The following MCTP1 variants were observed in gnomAD, a reference collection of about 807,000 sequenced individuals.
The protein encoded by MCTP1 is multiple C2 and transmembrane domain-containing protein 1.
MCTP1 carries 69 observed loss-of-function variants against 120.6 expected under a neutral mutation model. The ratio of observed to expected loss-of-function variants is 0.57; its 90% CI spans 0.47 to 0.70. MCTP1 has a LOEUF of 0.70. Among genes scored for constraint, MCTP1 ranks in the 30% least tolerant of loss-of-function variants. MCTP1 has a pLI of 0.00. For missense variants in MCTP1, 1,203 were observed against 1,248.8 expected (o/e 0.96, Z 0.55); for synonymous variants, 529 against 493.1 (o/e 1.07, Z -0.96).
At chr5:94,863,164 A>G (rs947315871) in intron 17 of MCTP1, among the ~76,000 whole-genome samples, 1 of 151,806 alleles carries the variant, frequency 6.6e-6, no homozygotes, top group Non-Finnish European at 1.5e-5. Context: ...AGGAGTTTAT[A>G]TTTACAAAAT....
chr5:95,214,436 C>G (rs1388185638), intron 1 of MCTP1, among the ~76,000 whole-genome samples: 2 of 151,966 alleles, frequency 1.3e-5, no homozygotes, highest in East Asian at 3.9e-4. Context: ...ACTAGTTCAA[C>G]CATTGTGGAA....
At chr5:95,187,851 TA>T (rs1749393928) in intron 1 of MCTP1, among the ~76,000 whole-genome samples, 1 of 152,110 alleles carries the variant, frequency 6.6e-6, no homozygotes, top group Non-Finnish European at 1.5e-5. Flanking sequence ...ATAGTACATT[TA>T]AAAATAACTG....
chr5:95,154,724 G>A (rs748731644), intron 1 of MCTP1, among the ~76,000 whole-genome samples: 70 of 151,988 alleles, frequency 4.6e-4, no homozygotes, highest in Middle Eastern at 3.4e-3. Flanking sequence ...GTGAAACAAC[G>A]AAGAAAGCCA....
At chr5:94,988,595 GTGTT>G (rs1295737269) in intron 2 of MCTP1, among the ~76,000 whole-genome samples, 9 of 124,334 alleles carry the variant, frequency 7.2e-5, no homozygotes, top group African/African-American at 2.6e-4. Flanking sequence ...TTCCCTGTGT[GTGTT>G]TTTTTTTTTT....
rs1803588001 is a variant in MCTP1 at position 94,894,940 on chromosome 5, T to G, written c.1653-105A>C. On this transcript the variant is annotated intron_variant, in intron 10 of 22. Transcript: ENST00000515393. ...AACATAAATCAATAGAAATATTATT[T>G]GGACCATTGGAAGAATACATCTTTC... The G allele has an allele frequency of 1.0e-5, 7 of 692,462 alleles. No individual in the cohort carries two copies. The South Asian group carries it at 1.9e-4, about 19-fold the overall frequency. 42.9% of individuals were successfully genotyped at this position (692,462 alleles called of 1,614,324 possible).
Position 95,284,345 on chromosome 5 carries a change from C to A in MCTP1, c.231G>T (p.Arg77Ser). 6.3e-7 allele frequency: 1 copy of A among 1,596,972 alleles called. No individual in the cohort carries two copies. The highest frequency in any genetic ancestry group is 8.5e-7 in the Non-Finnish European group (1 of 1,179,290). ...GCTTCCGCTTCTTGAAGCCGCTCCA[C>A]CTGCTGCCTGCACCACTCCCCCTGG... ...APARGSGAGS[R>S]WSGFKKRKQV... The change falls in exon 1 of 23, where the codon AGG (arginine) becomes AGT (serine). Residue 77 changes from arginine to serine, a missense_variant. Coordinates refer to ENST00000515393, the MANE Select transcript of MCTP1 (RefSeq NM_024717.7). This position sits in a 1 kb window ranked among gnomAD's most constrained non-coding sequence, Gnocchi z 5.2.
At chr5:95,214,194 A>C (rs1253135229) in intron 1 of MCTP1, among the ~76,000 whole-genome samples, 4 of 152,302 alleles carry the variant, frequency 2.6e-5, no homozygotes, top group African/African-American at 9.6e-5. Flanking sequence ...CCCATCTACA[A>C]GTAGGTGAAG....
Position 94,888,892 on chromosome 5 carries a change from A to C in MCTP1, c.1920T>G (p.Ala640=), listed in dbSNP as rs747810176. 6.2e-7 allele frequency: 1 copy of C among 1,611,836 alleles called. No individual in the cohort carries two copies. The highest frequency in any genetic ancestry group is 1.7e-5 in the Admixed American group (1 of 60,006). Residue 640 remains alanine, a synonymous_variant, in exon 12 of 23, where the codon GCT becomes GCG. Coordinates refer to ENST00000515393, the MANE Select transcript of MCTP1 (RefSeq NM_024717.7). ...ATCATCTCTTACCAGTGACGTCGGC[A>C]GCCATTAACCCTTCCGCTCTGATGA... The part of the protein sequence containing the change: ...VKVIRAEGLM[A]ADVTGKSDPF...
chr5:94,942,005 C>T (rs1048849701), intron 4 of MCTP1, among the ~76,000 whole-genome samples: 10 of 152,060 alleles, frequency 6.6e-5, no homozygotes, highest in South Asian at 4.2e-4. Flanking sequence ...TTATGACTAA[C>T]GTGCATAATC....
At chr5:94,836,673 C>T (rs1250055741) in intron 17 of MCTP1, among the ~76,000 whole-genome samples, 1 of 152,166 alleles carries the variant, frequency 6.6e-6, no homozygotes, top group African/African-American at 2.4e-5. Flanking sequence ...CACCTGATTG[C>T]CCATAGTTTT....
At chr5:94,762,056 G>C (rs753097765) in intron 19 of MCTP1, among the ~76,000 whole-genome samples, 4 of 152,194 alleles carry the variant, frequency 2.6e-5, no homozygotes, top group Non-Finnish European at 5.9e-5. Context: ...AGAGATTCAG[G>C]AAAGAAGTGC....
rs1224380884 is a variant in MCTP1 at position 94,953,991 on chromosome 5, TATATATATGCATATATATACAA to T, written c.839-652_839-631del. Among the ~76,000 whole-genome samples the T allele has an allele frequency of 4.6e-3, 279 of 60,724 alleles. 4 individuals carry two copies. The highest frequency in any genetic ancestry group is 5.0e-3 in the Non-Finnish European group (163 of 32,530). The allele number at this position is 60,724 out of a possible 152,430, so 39.8% of individuals were successfully genotyped here. ...ATATATATATGCATATATATACAAA[TATATATATGCATATATATACAA>T]ATATATATGCATATATATACAAATA... On this transcript the variant is annotated intron_variant, in intron 2 of 22. Transcript: ENST00000515393.
intron 17 of MCTP1, among the ~76,000 whole-genome samples, chr5:94,827,311 G>A (rs1787366471): frequency 6.6e-6 from 1 of 152,138 alleles, no homozygotes; most frequent in African/African-American, 2.4e-5. Context: ...CTCTCTTCTG[G>A]CTTGTAGGGC....
At chr5:95,154,457 A>C (rs22912) in intron 1 of MCTP1, among the ~76,000 whole-genome samples, 1 of 152,000 alleles carries the variant, frequency 6.6e-6, no homozygotes, top group Non-Finnish European at 1.5e-5. Flanking sequence ...GAATGAGATG[A>C]ACTATAAGGG....
intron 1 of MCTP1, among the ~76,000 whole-genome samples, chr5:95,131,924 C>A (rs534167149): frequency 1.3e-4 from 20 of 152,078 alleles, no homozygotes; most frequent in Non-Finnish European, 2.5e-4. Context: ...AGGCTTATTC[C>A]AATTATGCTA....
At chr5:95,036,651 T>C (rs374920865) in intron 1 of MCTP1, among the ~76,000 whole-genome samples, 7 of 152,240 alleles carry the variant, frequency 4.6e-5, no homozygotes, top group Non-Finnish European at 1.0e-4. Context: ...TTAGTGTTTC[T>C]ATCACATATC....
intron 1 of MCTP1, chr5:95,068,957 T>A: frequency 0.024 from 4 of 168 alleles, no homozygotes; most frequent in Non-Finnish European, 0.034. Context: ...AGCAGGTATC[T>A]TTTTTTTTTT....
At chr5:94,867,043 C>G (rs1796946208) in intron 17 of MCTP1, 1 of 310,414 alleles carries the variant, frequency 3.2e-6, no homozygotes, top group Non-Finnish European at 5.5e-6. Context: ...CCCATAAAAC[C>G]TGGAAGTAAT....
intron 6 of MCTP1, among the ~76,000 whole-genome samples, chr5:94,928,153 A>G (rs1462488346): frequency 6.6e-6 from 1 of 151,870 alleles, no homozygotes; most frequent in Admixed American, 6.6e-5. Context: ...TTGAAAGCAC[A>G]TAAGTTTATT....
Sources: gnomAD v4.1 joint callset for allele counts (sites outside exome capture counted in the v4.1 genomes callset) on GRCh38, gnomAD v4.1.1 for gene constraint, Gnocchi (gnomAD v3.1) non-coding constraint, MANE v1.5 for transcripts, NCBI Gene and HGNC (gene_info 2026-07-23, HGNC 2026-07-21) for gene names.